CEP128: variants seen among roughly 807,000 people sequenced by gnomAD.
CEP128 encodes the protein centrosomal protein 128, also known as centrosomal protein 128kDa.
CEP128 carries 132 observed loss-of-function variants against 156.7 expected under a neutral mutation model. The observed-to-expected ratio is 0.84, with a 90% CI of 0.73 to 0.97. CEP128 has a LOEUF of 0.97. Ranked by LOEUF, CEP128 falls within the 50% of genes least tolerant of loss-of-function variation. The pLI is 0.00. For missense variants in CEP128, 1,252 were observed against 1,281.9 expected, an observed-to-expected ratio of 0.98 and a Z score of 0.36; for synonymous variants, 469 against 448.9, an observed-to-expected ratio of 1.04 and a Z score of -0.57.
intron 14 of CEP128, among the ~76,000 whole-genome samples, chr14:80,483,528 C>T (rs1298151152): frequency 6.6e-6 from 1 of 152,118 alleles, no homozygotes; most frequent in South Asian, 2.1e-4. Flanking sequence ...AACAACACGG[C>T]GATGTGAATT....
chr14:80,927,092 G>A (rs1885191612), intron 2 of CEP128, among the ~76,000 whole-genome samples: 1 of 152,196 alleles, frequency 6.6e-6, no homozygotes, highest in Non-Finnish European at 1.5e-5. Context: ...TAGGTGGCTA[G>A]ACCCAGAGCA....
chr14:80,634,987 T>C (rs2140751101), intron 19 of CEP128, among the ~76,000 whole-genome samples: 1 of 152,354 alleles, frequency 6.6e-6, no homozygotes, highest in East Asian at 1.9e-4. Flanking sequence ...GCCACTAATA[T>C]ATGACCTTGC....
chr14:80,894,129 C>T (rs117718083), intron 8 of CEP128, among the ~76,000 whole-genome samples: 4,163 of 151,722 alleles, frequency 0.027, 75 homozygotes, highest in Non-Finnish European at 0.041. Flanking sequence ...AAGTACTAAT[C>T]ACAAAAGAAA....
chr14:80,532,784 T>A (rs534890004), intron 21 of CEP128, among the ~76,000 whole-genome samples: 4 of 152,204 alleles, frequency 2.6e-5, no homozygotes, highest in Admixed American at 2.0e-4. Context: ...GAGTTACAGA[T>A]GTCTTCTAGT....
intron 2 of CEP128, among the ~76,000 whole-genome samples, chr14:80,948,877 G>A (rs893983996): frequency 9.2e-5 from 14 of 152,196 alleles, no homozygotes; most frequent in African/African-American, 3.1e-4. Flanking sequence ...TGAGCAATTT[G>A]TTGAGCAGAC....
At chr14:80,815,418 G>C (rs554910578) in intron 13 of CEP128, among the ~76,000 whole-genome samples, 1 of 152,248 alleles carries the variant, frequency 6.6e-6, no homozygotes, top group East Asian at 1.9e-4. Flanking sequence ...AAAAATGCCA[G>C]ATGTTGATGA....
intron 19 of CEP128, among the ~76,000 whole-genome samples, chr14:80,652,334 T>C (rs1044707727): frequency 1.3e-5 from 2 of 151,978 alleles, no homozygotes; most frequent in African/African-American, 4.8e-5. Context: ...AAAGCCAAAA[T>C]TGACAAATGG....
At chr14:80,611,505 A>C (rs913133206) in intron 19 of CEP128, among the ~76,000 whole-genome samples, 2 of 152,140 alleles carry the variant, frequency 1.3e-5, no homozygotes, top group South Asian at 2.1e-4. Flanking sequence ...AAATACCACA[A>C]ATCTTAGATT....
chr14:80,499,496 T>G (rs117069810), intron 24 of CEP128, among the ~76,000 whole-genome samples: 4,164 of 152,332 alleles, frequency 0.027, 81 homozygotes, highest in Middle Eastern at 0.092. Flanking sequence ...ATACTAATCC[T>G]TAGATAACAT....
intron 13 of CEP128, among the ~76,000 whole-genome samples, chr14:80,812,971 A>G (rs1884647505): frequency 1.3e-5 from 2 of 152,004 alleles, no homozygotes; most frequent in Admixed American, 1.3e-4. Flanking sequence ...AATGATTAGT[A>G]ATGTTGAGCA....
intron 4 of CEP128, among the ~76,000 whole-genome samples, chr14:80,911,811 T>G (rs1430456937): frequency 6.6e-6 from 1 of 152,216 alleles, no homozygotes; most frequent in Non-Finnish European, 1.5e-5. Flanking sequence ...AATAGAATGA[T>G]GAAATAGAAT....
At position 80,743,260 on chromosome 14, in the gene CEP128, A is replaced by G. The variant is rs1898926861; in HGVS notation, c.2621T>C (p.Leu874Pro). The change falls in exon 19 of 25, where the codon CTT becomes CCT. Residue 874 changes from leucine to proline, a missense_variant. By Grantham distance (98) the Leu-to-Pro change is moderately conservative (BLOSUM62 -3). Coordinates refer to ENST00000555265, the MANE Select transcript of CEP128 (RefSeq NM_152446.5). Reference protein sequence around the residue: ...HRWLAESKTKLQWLCEELKER... With the variant: ...HRWLAESKTKPQWLCEELKER... ...TTTCAGTTCCTCACAGAGCCACTGA[A>G]GTTTAGTCTAAAAAATAACATTTAT... 1 of 1,610,270 alleles carries G rather than the reference A, an allele frequency of 6.2e-7. No individual in the cohort carries two copies. Among genetic ancestry groups the G allele is most frequent in the Non-Finnish European group, 8.5e-7 (1 of 1,177,666 alleles).
At chr14:80,546,277 G>T in intron 21 of CEP128, among the ~76,000 whole-genome samples, 1 of 152,160 alleles carries the variant, frequency 6.6e-6, no homozygotes, top group East Asian at 1.9e-4. Context: ...ATAAGAATTA[G>T]TCCCATTTCC....
At chr14:80,840,902 C>A in intron 9 of CEP128, 134 bp from the exon 10 acceptor site, 1 of 613,658 alleles carries the variant, frequency 1.6e-6, no homozygotes. Flanking sequence ...TTACAGTCTG[C>A]TCATAAGAAC....
chr14:80,914,478 G>A (rs1884434731), intron 3 of CEP128, 70 bp from the exon 4 acceptor site: 2 of 1,107,974 alleles, frequency 1.8e-6, no homozygotes, highest in Non-Finnish European at 2.8e-6. Context: ...TTAGTAGTAT[G>A]TCAATCAACT....
chr14:80,860,610 A>G (rs990327171), intron 9 of CEP128, among the ~76,000 whole-genome samples: 2 of 152,094 alleles, frequency 1.3e-5, no homozygotes, highest in Admixed American at 6.5e-5. Flanking sequence ...ACAAATGTAT[A>G]AAAATCAAGG....
chr14:80,808,544 G>A (rs1203714288), intron 13 of CEP128, among the ~76,000 whole-genome samples: 1 of 151,856 alleles, frequency 6.6e-6, no homozygotes, highest in African/African-American at 2.4e-5. Context: ...CACCAACCTG[G>A]ACCACCGCTA....
chr14:80,857,765 C>CA (rs1415783480), intron 9 of CEP128, among the ~76,000 whole-genome samples: 2 of 144,136 alleles, frequency 1.4e-5, no homozygotes, highest in Admixed American at 1.4e-4. Context: ...ACAACAACAA[C>CA]AACAAAAAAC....
At chr14:80,599,429 C>T (rs1292872922) in intron 19 of CEP128, among the ~76,000 whole-genome samples, 4 of 151,878 alleles carry the variant, frequency 2.6e-5, no homozygotes, top group Non-Finnish European at 5.9e-5. Context: ...CCCGCCACCA[C>T]GCCCGGCTAA....
Sources: allele counts gnomAD v4.1 joint callset (sites outside exome capture counted in the v4.1 genomes callset), GRCh38; gene constraint gnomAD v4.1.1; transcripts MANE v1.5; gene names NCBI Gene and HGNC (gene_info 2026-07-23, HGNC 2026-07-21).